OSBPL1A: variants seen among roughly 807,000 people sequenced by gnomAD.
OSBPL1A encodes the protein oxysterol-binding protein-related protein 1.
In OSBPL1A, 80 loss-of-function variants were observed where a neutral mutation model predicts 137.1. That is an observed-to-expected ratio of 0.58 (90% CI 0.49 to 0.70). The LOEUF (loss-of-function observed/expected upper bound fraction) is 0.70, where lower values mean the gene tolerates loss of function less well. Ranked by LOEUF, OSBPL1A falls within the 30% of genes least tolerant of loss-of-function variation. The probability of loss-of-function intolerance (pLI) is 0.00; values close to 1 mark genes in which losing one functional copy is unlikely to be tolerated. For synonymous variants in OSBPL1A, 365 were observed against 389.7 expected, an observed-to-expected ratio of 0.94 and a Z score of 0.75; for missense variants, 970 against 1,129.4, an observed-to-expected ratio of 0.86 and a Z score of 2.02.
At chr18:24,166,557 G>T in intron 26 of OSBPL1A, 22 bp downstream of exon 26, 1 of 1,595,904 alleles carries the variant, frequency 6.3e-7, no homozygotes, top group Non-Finnish European at 8.5e-7. Context: ...CTTCACTGGT[G>T]GCTTTGGCGG....
At chr18:24,332,147 G>A (rs2091089607) in intron 7 of OSBPL1A, among the ~76,000 whole-genome samples, 1 of 151,910 alleles carries the variant, frequency 6.6e-6, no homozygotes. Context: ...AGGCTGAGGT[G>A]GGCAGATCAT....
chr18:24,335,016 A>G (rs1599681249), intron 5 of OSBPL1A, among the ~76,000 whole-genome samples: 1 of 152,020 alleles, frequency 6.6e-6, no homozygotes. Flanking sequence ...CAGCCTCCCA[A>G]GTAGCTGGGA....
intron 27 of OSBPL1A, among the ~76,000 whole-genome samples, chr18:24,164,018 C>G (rs187786644): frequency 3.0e-4 from 46 of 152,248 alleles, no homozygotes; most frequent in Non-Finnish European, 4.7e-4. Flanking sequence ...GTGTGAGCCA[C>G]CGCACCTGGC....
chr18:24,174,434 C>T (rs1398913100), intron 21 of OSBPL1A, among the ~76,000 whole-genome samples: 1 of 152,166 alleles, frequency 6.6e-6, no homozygotes, highest in Admixed American at 6.5e-5. Flanking sequence ...ACTGACATGA[C>T]ACTCAAAGGA....
chr18:24,182,801 G>C (rs2086641497), intron 18 of OSBPL1A, among the ~76,000 whole-genome samples: 2 of 152,000 alleles, frequency 1.3e-5, no homozygotes, highest in African/African-American at 4.8e-5. Flanking sequence ...CACTACTGGG[G>C]ACAAGTCAGA....
At chr18:24,347,013 G>C (rs559373567) in intron 4 of OSBPL1A, among the ~76,000 whole-genome samples, 1 of 151,730 alleles carries the variant, frequency 6.6e-6, no homozygotes, top group South Asian at 2.1e-4. Flanking sequence ...GCCTCCCAAA[G>C]TGTTGAGATT....
chr18:24,198,799 C>T (rs544205109), intron 17 of OSBPL1A, among the ~76,000 whole-genome samples: 3 of 151,848 alleles, frequency 2.0e-5, no homozygotes, highest in Admixed American at 6.6e-5. Flanking sequence ...AGAGCGTTCC[C>T]GAGGGCAACC....
chr18:24,396,128 A>T (rs1907725339), intron 1 of OSBPL1A, among the ~76,000 whole-genome samples: 2 of 151,564 alleles, frequency 1.3e-5, no homozygotes, highest in Admixed American at 1.3e-4. Context: ...CTGAGACCGG[A>T]GAATTGCTTC....
intron 16 of OSBPL1A, among the ~76,000 whole-genome samples, chr18:24,228,007 A>ATAAACAT (rs1567959987): frequency 6.6e-6 from 1 of 152,186 alleles, no homozygotes; most frequent in Non-Finnish European, 1.5e-5. Flanking sequence ...AAAAGCAGAC[A>ATAAACAT]TAAACATTAA....
chr18:24,165,189 C>G (rs2086118647), intron 26 of OSBPL1A, 34 bp from the exon 27 acceptor site: 2 of 1,544,006 alleles, frequency 1.3e-6, no homozygotes, highest in African/African-American at 2.7e-5. Context: ...ACCATTAACA[C>G]TCTACACAGA....
At chr18:24,281,238 A>G (rs2089950854) in intron 14 of OSBPL1A, among the ~76,000 whole-genome samples, 1 of 151,942 alleles carries the variant, frequency 6.6e-6, no homozygotes. Context: ...GGCGCACACC[A>G]CCACGCCCAG....
intron 13 of OSBPL1A, among the ~76,000 whole-genome samples, chr18:24,307,454 G>A (rs368188339): frequency 5.9e-5 from 9 of 152,190 alleles, no homozygotes; most frequent in Non-Finnish European, 1.3e-4. Flanking sequence ...AGGATATAGA[G>A]AGAAAAGTAA....
intron 15 of OSBPL1A, among the ~76,000 whole-genome samples, chr18:24,240,633 T>A (rs1282829122): frequency 6.6e-6 from 1 of 152,222 alleles, no homozygotes; most frequent in Non-Finnish European, 1.5e-5. Context: ...TTCGTTAGTT[T>A]CCTCTCCTAT....
At chr18:24,384,919 A>G (rs1318015748) in intron 1 of OSBPL1A, among the ~76,000 whole-genome samples, 1 of 151,708 alleles carries the variant, frequency 6.6e-6, no homozygotes, top group Non-Finnish European at 1.5e-5. Flanking sequence ...TAGTTAATCA[A>G]TAACAGTTTA....
intron 7 of OSBPL1A, among the ~76,000 whole-genome samples, chr18:24,326,922 T>C (rs1418869729): frequency 2.0e-5 from 3 of 152,164 alleles, no homozygotes; most frequent in African/African-American, 7.2e-5. Flanking sequence ...TTTGTTTTCC[T>C]CATTGCAACT....
chr18:24,377,411 A>G lies in OSBPL1A; in HGVS notation c.121+2T>C, dbSNP rs1334916582. 1 of 1,603,562 alleles carries G rather than the reference A, an allele frequency of 6.2e-7. No individual in the cohort carries two copies. Among genetic ancestry groups the G allele is most frequent in the Non-Finnish European group, 8.5e-7 (1 of 1,177,270 alleles). On this transcript the variant is annotated splice_donor_variant, in intron 2 of 27. Coordinates refer to ENST00000319481, the MANE Select transcript of OSBPL1A (RefSeq NM_080597.4). LOFTEE classifies it high-confidence loss of function. ...AAGCTACAAAATCCATTCAAAGTTT[A>G]CCTTTGCAATTAATGTCAGCAATCA...
intron 12 of OSBPL1A, among the ~76,000 whole-genome samples, chr18:24,313,439 A>G (rs2090663110): frequency 1.3e-5 from 2 of 151,978 alleles, no homozygotes; most frequent in South Asian, 4.2e-4. Context: ...AAAAAAAAGA[A>G]TAGGGATAGT....
At position 24,304,710 on chromosome 18, in the gene OSBPL1A, A is replaced by C. The variant is rs141123462; in HGVS notation, c.1093-992T>G. Among the ~76,000 whole-genome samples the C allele has an allele frequency of 4.5e-3, 687 of 152,338 alleles. 2 individuals carry two copies. Among genetic ancestry groups the C allele is most frequent in the African/African-American group, 0.015 (642 of 41,572 alleles). ...CAAACTTACTATAGATCAGTATGTC[A>C]AGGTGGCATAGGTAAATACTCTTTT... is the stretch of plus-strand genomic sequence containing the variant. On this transcript the variant is annotated intron_variant, in intron 13 of 27. Coordinates refer to ENST00000319481, the MANE Select transcript of OSBPL1A (RefSeq NM_080597.4).
At chr18:24,274,667 G>A (rs2089803635) in intron 15 of OSBPL1A, among the ~76,000 whole-genome samples, 1 of 152,142 alleles carries the variant, frequency 6.6e-6, no homozygotes, top group Admixed American at 6.5e-5. Flanking sequence ...CAGCACTCTG[G>A]GAGGCCAAGG....
Sources: allele counts gnomAD v4.1 joint callset (sites outside exome capture counted in the v4.1 genomes callset), GRCh38; gene constraint gnomAD v4.1.1; transcripts MANE v1.5; gene names NCBI Gene and HGNC (gene_info 2026-07-23, HGNC 2026-07-21).